Variants in ARHGAP25 observed in about 807,000 individuals in gnomAD.
ARHGAP25 encodes the protein Rho GTPase activating protein 25, also known as rho GTPase-activating protein 25.
Under a neutral mutation model 71.0 loss-of-function variants are expected in ARHGAP25, and 34 were observed. That is an observed-to-expected ratio of 0.48 (90% CI 0.36 to 0.64). The LOEUF is 0.64. Ranked by LOEUF, ARHGAP25 falls within the 30% of genes least tolerant of loss-of-function variation. ARHGAP25 has a pLI of 0.00. For synonymous variants in ARHGAP25, 282 were observed against 296.5 expected (o/e 0.95, Z 0.50); for missense variants, 706 against 805.1 (o/e 0.88, Z 1.49).
intron 4 of ARHGAP25, among the ~76,000 whole-genome samples, chr2:68,789,441 C>T (rs1191254734): frequency 1.3e-5 from 2 of 152,214 alleles, no homozygotes; most frequent in Non-Finnish European, 2.9e-5. Flanking sequence ...GATACATTAG[C>T]TTCTCAAAGC....
intron 2 of ARHGAP25, among the ~76,000 whole-genome samples, chr2:68,779,118 C>T (rs11683583): frequency 2.0e-5 from 3 of 152,188 alleles, no homozygotes; most frequent in African/African-American, 7.2e-5. Context: ...TGCCTGTTTT[C>T]TGAGGCATCG....
intron 1 of ARHGAP25, among the ~76,000 whole-genome samples, chr2:68,737,286 C>T (rs968032112): frequency 6.6e-5 from 10 of 152,186 alleles, no homozygotes; most frequent in African/African-American, 2.4e-4. Context: ...ACTGTAGGAA[C>T]TGGCTTACCA....
intron 2 of ARHGAP25, among the ~76,000 whole-genome samples, chr2:68,726,908 C>CT (rs11403504): frequency 0.28 from 42,819 of 150,590 alleles, 6,290 homozygotes; most frequent in South Asian, 0.37. Flanking sequence ...TTGCACAAAT[C>CT]TTTTTTTTTT....
rs1382005436 is a variant in ARHGAP25 at position 68,734,978 on chromosome 2, T to G, written c.-222T>G. 1.7e-6 allele frequency: 1 copy of G among 589,940 alleles called. No homozygotes were observed. The highest frequency in any genetic ancestry group is 2.8e-5 in the East Asian group (1 of 35,188). 36.5% of individuals were successfully genotyped at this position (589,940 alleles called of 1,614,324 possible). ...GGACTGAGGGTGGAGGCTGGGGGAG[T>G]TTGGGTGCCATCCTCCAGTGACAGA... is the stretch of plus-strand genomic sequence containing the variant. On this transcript the variant is annotated 5_prime_UTR_variant, in exon 1 of 11. Coordinates refer to ENST00000409202, the MANE Select transcript of ARHGAP25 (RefSeq NM_001007231.3).
intron 1 of ARHGAP25, among the ~76,000 whole-genome samples, chr2:68,744,568 C>G (rs540815845): frequency 6.6e-6 from 1 of 152,316 alleles, no homozygotes; most frequent in South Asian, 2.1e-4. Flanking sequence ...GTGACTGTGA[C>G]TGTGACATTT....
intron 2 of ARHGAP25, among the ~76,000 whole-genome samples, chr2:68,726,817 T>C (rs1481383227): frequency 1.3e-5 from 2 of 152,150 alleles, no homozygotes; most frequent in Non-Finnish European, 2.9e-5. Context: ...TCCACTGGGC[T>C]CACACAGAGT....
Position 68,819,227 on chromosome 2 carries a change from G to T in ARHGAP25, c.1108G>T (p.Asp370Tyr). Residue 370 changes from aspartate to tyrosine, a missense_variant, in exon 9 of 11, where the codon GAC (aspartate) becomes TAC (tyrosine). Coordinates refer to ENST00000409202, the MANE Select transcript of ARHGAP25 (RefSeq NM_001007231.3). The stretch of plus-strand genomic sequence containing the variant: ...CCTGTCACCCCCTGCCCAGAAAAAT[G>T]ACCCCAAGAAAGCTCCAGTGGCCCG... The part of the protein sequence containing the change: ...IPLSPPAQKN[D>Y]PKKAPVARSS... 2 of 1,614,112 alleles carry T rather than the reference G, an allele frequency of 1.2e-6. No individual in the cohort carries two copies. Among genetic ancestry groups the T allele is most frequent in the Non-Finnish European group, 1.7e-6 (2 of 1,180,022 alleles).
At chr2:68,720,652 T>G (rs1399530316) in intron 2 of ARHGAP25, among the ~76,000 whole-genome samples, 1 of 152,178 alleles carries the variant, frequency 6.6e-6, no homozygotes, top group Non-Finnish European at 1.5e-5. Flanking sequence ...GTGATCCCAG[T>G]AGATTCCTCT....
Position 68,822,643 on chromosome 2 carries a change from A to G in ARHGAP25, c.1504A>G (p.Thr502Ala), listed in dbSNP as rs202041477. The change falls in exon 10 of 11, where the codon ACC (threonine) becomes GCC (alanine). Residue 502 changes from threonine to alanine, a missense_variant. Transcript: ENST00000409202. Reference protein sequence around the residue: ...RQLSDSQRTSTYDNVPSLPGS... With the variant: ...RQLSDSQRTSAYDNVPSLPGS... ...ACTTTCTGACTCCCAACGGACTTCC[A>G]CCTACGATAACGTCCCTTCCCTGCC... The G allele has an allele frequency of 7.4e-6, 12 of 1,614,078 alleles. No homozygotes were observed. In the East Asian group the frequency reaches 2.0e-4, roughly 27 times the overall value.
chr2:68,785,418 G>A (rs1294036911), intron 3 of ARHGAP25, among the ~76,000 whole-genome samples: 1 of 152,136 alleles, frequency 6.6e-6, no homozygotes, highest in African/African-American at 2.4e-5. Flanking sequence ...AAGGTAGGGA[G>A]GGCTTCATTT....
At chr2:68,754,481 A>C (rs1267562933) in intron 1 of ARHGAP25, among the ~76,000 whole-genome samples, 1 of 152,212 alleles carries the variant, frequency 6.6e-6, no homozygotes. Context: ...GTATCTATTC[A>C]TCACTTGAAA....
At chr2:68,738,911 A>G (rs918757942) in intron 1 of ARHGAP25, among the ~76,000 whole-genome samples, 12 of 151,974 alleles carry the variant, frequency 7.9e-5, no homozygotes, top group African/African-American at 2.9e-4. Flanking sequence ...GGCCCACTCT[A>G]TTTTTATGCA....
At chr2:68,711,097 C>T (rs1304910101) in intron 2 of ARHGAP25, among the ~76,000 whole-genome samples, 1 of 152,150 alleles carries the variant, frequency 6.6e-6, no homozygotes, top group Non-Finnish European at 1.5e-5. Flanking sequence ...TCAATGGCAC[C>T]CATTTAACTT....
At chr2:68,756,375 G>A (rs1049327295) in intron 1 of ARHGAP25, among the ~76,000 whole-genome samples, 7 of 152,206 alleles carry the variant, frequency 4.6e-5, no homozygotes, top group African/African-American at 1.4e-4. Flanking sequence ...CCATGTGTTT[G>A]CAACTCTCCC....
At chr2:68,770,050 T>C (rs72830912) in intron 1 of ARHGAP25, among the ~76,000 whole-genome samples, 3,180 of 152,290 alleles carry the variant, frequency 0.021, 50 homozygotes, top group Non-Finnish European at 0.033. Context: ...CAGTGCTGAA[T>C]ATAAGGAACA....
chr2:68,730,701 A>C (rs1188239727), upstream of ARHGAP25, among the ~76,000 whole-genome samples: 1 of 151,880 alleles, frequency 6.6e-6, no homozygotes, highest in Non-Finnish European at 1.5e-5. Flanking sequence ...ACCCTTCAGC[A>C]AGTGCATCAG....
chr2:68,734,417 C>T (rs765543717), upstream of ARHGAP25, among the ~76,000 whole-genome samples: 11 of 152,212 alleles, frequency 7.2e-5, no homozygotes, highest in Non-Finnish European at 1.5e-4. Context: ...CTCCCTACAT[C>T]AGGCTGAGAT....
chr2:68,720,909 A>T (rs1573376151), intron 2 of ARHGAP25, among the ~76,000 whole-genome samples: 4 of 152,194 alleles, frequency 2.6e-5, no homozygotes, highest in African/African-American at 9.6e-5. Flanking sequence ...GCATGTCACC[A>T]TGCAGTGCTT....
chr2:68,744,370 G>T (rs913616981), intron 1 of ARHGAP25, among the ~76,000 whole-genome samples: 2 of 152,158 alleles, frequency 1.3e-5, no homozygotes, highest in African/African-American at 4.8e-5. Flanking sequence ...CCTTCTGCGA[G>T]ATTGTACCGT....
Sources: gnomAD v4.1 joint callset for allele counts (sites outside exome capture counted in the v4.1 genomes callset) on GRCh38, gnomAD v4.1.1 for gene constraint, MANE v1.5 for transcripts, NCBI Gene and HGNC (gene_info 2026-07-23, HGNC 2026-07-21) for gene names.